Variants in BRD4 observed in about 807,000 individuals in gnomAD.
BRD4 encodes bromodomain-containing protein 4.
BRD4 carries 16 observed loss-of-function variants against 142.1 expected under a neutral mutation model. That is an observed-to-expected ratio of 0.11 (90% CI 0.08 to 0.17). BRD4 has a LOEUF of 0.17. Ranked by LOEUF, BRD4 falls within the 10% of genes least tolerant of loss-of-function variation. The pLI is 1.00. For synonymous variants in BRD4, 833 were observed against 707.5 expected (o/e 1.18, Z -2.82); for missense variants, 1,424 against 1,810.9 (o/e 0.79, Z 3.88).
At chr19:15,247,541 A>G (rs1033607888) in intron 11 of BRD4, 1 of 232,906 alleles carries the variant, frequency 4.3e-6, no homozygotes, top group African/African-American at 2.2e-5. Context: ...GCTTGTGGCT[A>G]TGGCCCATGT....
At chr19:15,250,187 G>A (rs144930849) in intron 11 of BRD4, among the ~76,000 whole-genome samples, 2,259 of 152,260 alleles carry the variant, frequency 0.015, 45 homozygotes, top group African/African-American at 0.051. Flanking sequence ...GCCCTCACCC[G>A]CCCATGAAGC....
At chr19:15,303,883 T>C (rs1218480091) in intron 1 of BRD4, among the ~76,000 whole-genome samples, 1 of 152,212 alleles carries the variant, frequency 6.6e-6, no homozygotes, top group East Asian at 1.9e-4. Context: ...TGGCTAATGA[T>C]GACAAAGTCC....
Position 15,264,491 on chromosome 19 carries a change from G to A in BRD4, c.1125C>T (p.Pro375=), listed in dbSNP as rs1307024255. The A allele has an allele frequency of 1.2e-6, 2 of 1,614,000 alleles. No homozygotes were observed. The highest frequency in any genetic ancestry group is 1.7e-6 in the Non-Finnish European group (2 of 1,180,046). Residue 375 remains proline, a synonymous_variant, in exon 6 of 20, where the codon CCC becomes CCT. Coordinates refer to ENST00000679869, the MANE Select transcript of BRD4 (RefSeq NM_001379291.1). The part of the protein sequence containing the change: ...FAKKHAAYAW[P]FYKPVDVEAL... ...CCTCCACGTCCACAGGCTTGTAGAA[G>A]GGCCAGGCGTAGGCGGCGTGCTTCT...
At chr19:15,253,620 G>C in intron 11 of BRD4, 1 of 1,596,094 alleles carries the variant, frequency 6.3e-7, no homozygotes, top group Non-Finnish European at 8.5e-7. Flanking sequence ...CTGGGGCCCA[G>C]GTGATGGCAG....
At position 15,255,207 on chromosome 19, in the gene BRD4, G is replaced by GC. The variant is rs2047394517; in HGVS notation, c.2047+89_2047+90insG. The GC allele has an allele frequency of 9.4e-6, 12 of 1,281,096 alleles. No individual in the cohort carries two copies. In the South Asian group the frequency reaches 1.8e-4, roughly 19 times the overall value. The allele number at this position is 1,281,096 out of a possible 1,614,324, so 79.4% of individuals were successfully genotyped here. A position where few individuals can be genotyped will look rare whatever the true frequency, so the allele number is the denominator to read the frequency against. On this transcript the variant is annotated intron_variant, in intron 10 of 19. Transcript: ENST00000679869. ...ATAATTGGAAAAAAAAAAGGGGGGG[G>GC]GCGCAGAAAGAGTGGACTGAGCAAG...
chr19:15,317,177 C>A (rs1329309254), intron 1 of BRD4, among the ~76,000 whole-genome samples: 1 of 152,226 alleles, frequency 6.6e-6, no homozygotes. Flanking sequence ...GACAGCTCTC[C>A]AAGCACCACC....
intron 11 of BRD4, chr19:15,253,607 T>C: frequency 6.3e-7 from 1 of 1,594,002 alleles, no homozygotes; most frequent in African/African-American, 1.3e-5. Context: ...GGGTAGGCAA[T>C]GGCTGGGGCC....
At chr19:15,252,748 A>G (rs2047361102) in intron 11 of BRD4, among the ~76,000 whole-genome samples, 1 of 152,224 alleles carries the variant, frequency 6.6e-6, no homozygotes, top group Non-Finnish European at 1.5e-5. Context: ...CAGTTGTGGT[A>G]GAGAATGTGG....
In BRD4 at chr19:15,237,402, T is replaced by A. The variant is rs933629777; in HGVS notation, c.*975A>T. On this transcript the variant is annotated 3_prime_UTR_variant, in exon 20 of 20. Coordinates refer to ENST00000679869, the MANE Select transcript of BRD4 (RefSeq NM_001379291.1). The stretch of plus-strand genomic sequence containing the variant: ...GGATTTTTTTGAGCTTTTTTCTTTT[T>A]TCACACCAGTTTGGTGGAGTCACCA... 1 of 223,216 alleles carries A rather than the reference T, an allele frequency of 4.5e-6. No individual in the cohort carries two copies. The highest frequency in any genetic ancestry group is 2.2e-5 in the African/African-American group (1 of 44,636). The allele number at this position is 223,216 out of a possible 1,614,324, so 13.8% of individuals were successfully genotyped here. A position where few individuals can be genotyped will look rare whatever the true frequency, so the allele number is the denominator to read the frequency against.
At chr19:15,269,299 G>C (rs1205268801) in intron 2 of BRD4, among the ~76,000 whole-genome samples, 2 of 152,230 alleles carry the variant, frequency 1.3e-5, no homozygotes, top group African/African-American at 4.8e-5. Context: ...TCTTGAAATA[G>C]GCTGCCTTCA....
intron 3 of BRD4, 141 bp from the exon 4 acceptor site, chr19:15,267,692 G>A (rs2047549006): frequency 1.1e-6 from 1 of 921,414 alleles, no homozygotes; most frequent in Non-Finnish European, 1.6e-6. Context: ...GCACCCAAAG[G>A]AGCCACAATG....
In BRD4 at chr19:15,265,393, G is replaced by T; in HGVS notation, c.810C>A (p.Ser270Arg). The T allele has an allele frequency of 6.5e-7, 1 of 1,529,738 alleles. No individual in the cohort carries two copies. The highest frequency in any genetic ancestry group is 8.8e-7 in the Non-Finnish European group (1 of 1,140,250). The allele number at this position is 1,529,738 out of a possible 1,614,324, so 94.8% of individuals were successfully genotyped here. A position where few individuals can be genotyped will look rare whatever the true frequency, so the allele number is the denominator to read the frequency against. ...PPAPAPQPVQ[S>R]HPPIIAATPQ... The stretch of plus-strand genomic sequence containing the variant: ...GGGTGGCCGCGATGATGGGTGGGTG[G>T]CTCTGTACGGGCTGGGGAGCTGGAG... The change falls in exon 5 of 20, where the codon AGC (serine) becomes AGA (arginine). Residue 270 changes from serine (S) to arginine (R), a missense_variant. Ser to Arg is a moderately radical substitution (Grantham distance 110, BLOSUM62 -1). Coordinates refer to ENST00000679869, the MANE Select transcript of BRD4 (RefSeq NM_001379291.1).
intron 1 of BRD4, among the ~76,000 whole-genome samples, chr19:15,319,963 C>G (rs996791263): frequency 6.6e-6 from 1 of 152,152 alleles, no homozygotes; most frequent in East Asian, 1.9e-4. Context: ...AAAAAGCCAT[C>G]AATAGCCCTT....
rs370801637 is a variant in BRD4, at chr19:15,239,280, G to A, written c.3577-16C>T. 1.1e-5 allele frequency: 18 copies of A among 1,613,114 alleles called. No homozygotes were observed. Among genetic ancestry groups the A allele is most frequent in the Non-Finnish European group, 1.4e-5 (17 of 1,179,530 alleles). On this transcript the variant is annotated splice_polypyrimidine_tract_variant and intron_variant, in intron 17 of 19. Transcript: ENST00000679869. The surrounding 1 kb of genome is among the most constrained non-coding windows in gnomAD (Gnocchi z 7.4). The stretch of plus-strand genomic sequence containing the variant: ...TTTTCAGGTCCTGCAGAACAGAGAG[G>A]TTGGGGTGGGTGAGGGGTCTGCTGT...
At chr19:15,330,953 T>G (rs1347395671) in intron 1 of BRD4, among the ~76,000 whole-genome samples, 1 of 152,146 alleles carries the variant, frequency 6.6e-6, no homozygotes, top group East Asian at 1.9e-4. Context: ...AAAGAGCCAC[T>G]GGCTTACGAG....
chr19:15,262,289 G>C (rs2047479906), intron 7 of BRD4, among the ~76,000 whole-genome samples: 1 of 152,146 alleles, frequency 6.6e-6, no homozygotes, highest in African/African-American at 2.4e-5. Flanking sequence ...AGCCCGCTGA[G>C]GCCTACAATG....
intron 1 of BRD4, among the ~76,000 whole-genome samples, chr19:15,326,519 ACTT>A (rs2048109525): frequency 6.6e-6 from 1 of 152,142 alleles, no homozygotes; most frequent in South Asian, 2.1e-4. Context: ...AAAACAAAGA[ACTT>A]CACTACAACC....
chr19:15,292,874 G>A (rs2145671154), intron 1 of BRD4, among the ~76,000 whole-genome samples: 1 of 150,766 alleles, frequency 6.6e-6, no homozygotes, highest in East Asian at 2.0e-4. Context: ...CTAGTTTTAG[G>A]TCTCACAATT....
In BRD4 at chr19:15,254,187, T is replaced by C; in HGVS notation, c.2123A>G (p.Glu708Gly). Residue 708 changes from glutamate (E) to glycine (G), a missense_variant, in exon 11 of 20, where the codon GAG becomes GGG. Physicochemically the swap from Glu to Gly is moderately conservative, Grantham distance 98. This residue lies in a region of BRD4 where 598 missense variants were observed against 647.8 expected (regional missense o/e 0.92). Transcript: ENST00000679869. ...GTCTTCGCTGTCAGAGGAGCTGGAC[T>C]CACTGGAGCTCTCCGACTCTGAGGA... Reference protein sequence around the residue: ...FSSSESESSSESSSSDSEDSE... With the variant: ...FSSSESESSSGSSSSDSEDSE... 1 of 1,614,214 alleles carries C rather than the reference T, an allele frequency of 6.2e-7. No homozygotes were observed. The highest frequency in any genetic ancestry group is 1.1e-5 in the South Asian group (1 of 91,088).
Sources: allele counts gnomAD v4.1 joint callset (sites outside exome capture counted in the v4.1 genomes callset), GRCh38; gene constraint gnomAD v4.1.1; regional missense constraint gnomAD v4.1.1; non-coding constraint Gnocchi (gnomAD v3.1); transcripts MANE v1.5; gene names NCBI Gene and HGNC (gene_info 2026-07-23, HGNC 2026-07-21).